The following TPCN2 variants were observed in gnomAD, a reference collection of about 807,000 sequenced individuals.
TPCN2 encodes the protein two pore channel protein 2.
Under a neutral mutation model 111.4 loss-of-function variants are expected in TPCN2, and 92 were observed. The ratio of observed to expected loss-of-function variants is 0.83; its 90% CI spans 0.70 to 0.98. TPCN2 has a LOEUF of 0.98. TPCN2 is among the 50% of genes least tolerant of loss of function. The probability of loss-of-function intolerance (pLI) is 0.00; values close to 1 mark genes in which losing one functional copy is unlikely to be tolerated. For synonymous variants in TPCN2, 405 were observed against 414.5 expected, an observed-to-expected ratio of 0.98 and a Z score of 0.28; for missense variants, 995 against 980.1, an observed-to-expected ratio of 1.02 and a Z score of -0.20.
At chr11:69,068,099 C>G (rs937103294) in intron 8 of TPCN2, among the ~76,000 whole-genome samples, 1 of 152,242 alleles carries the variant, frequency 6.6e-6, no homozygotes, top group Non-Finnish European at 1.5e-5. Context: ...GACGCTCACC[C>G]TGTGTGATGC....
chr11:69,086,257 T>C (rs1350460939), intron 22 of TPCN2, among the ~76,000 whole-genome samples: 1 of 152,128 alleles, frequency 6.6e-6, no homozygotes, highest in Non-Finnish European at 1.5e-5. Flanking sequence ...GCTCTGAGCT[T>C]GAAGAGCTCA....
In TPCN2 at chr11:69,088,143, C is replaced by T; in HGVS notation, c.*190C>T. The T allele has an allele frequency of 1.8e-6, 1 of 570,614 alleles. No individual in the cohort carries two copies. Among genetic ancestry groups the T allele is most frequent in the Non-Finnish European group, 3.1e-6 (1 of 321,920 alleles). 35.3% of individuals were successfully genotyped at this position (570,614 alleles called of 1,614,324 possible). A position where few individuals can be genotyped will look rare whatever the true frequency, so the allele number is the denominator to read the frequency against. On this transcript the variant is annotated 3_prime_UTR_variant, in exon 25 of 25. Coordinates refer to ENST00000294309, the MANE Select transcript of TPCN2 (RefSeq NM_139075.4). Reference sequence around the variant, plus strand: ...CCAACAACCATCTACAGAACAGCTGCTGGTGCTTCAGGGAGGCGCCGTGCC... The same window carrying T: ...CCAACAACCATCTACAGAACAGCTGTTGGTGCTTCAGGGAGGCGCCGTGCC...
chr11:69,076,136 GA>G (rs1432455788), intron 13 of TPCN2, among the ~76,000 whole-genome samples: 1 of 152,218 alleles, frequency 6.6e-6, no homozygotes, highest in Non-Finnish European at 1.5e-5. Flanking sequence ...AGTGCATGAG[GA>G]AGGATGGACC....
rs1194827893 is a variant in TPCN2, at chr11:69,079,878, A to T, written c.1584A>T (p.Pro528=). 4.3e-6 allele frequency: 7 copies of T among 1,613,642 alleles called. No homozygotes were observed. The highest frequency in any genetic ancestry group is 5.9e-6 in the Non-Finnish European group (7 of 1,179,938). ...STLAVYRLPH[P]GWRPEMVGLL... is the part of the protein sequence containing the mutation. ...TGGCTGTGTACCGATTGCCACACCC[A>T]GGCTGGTATGTGACTGGGCAGAACC... The change falls in exon 17 of 25, where the codon CCA becomes CCT. Residue 528 remains proline, a synonymous_variant. Coordinates refer to ENST00000294309, the MANE Select transcript of TPCN2 (RefSeq NM_139075.4).
rs1856319229 is a variant in TPCN2 at position 69,087,096 on chromosome 11, T to C, written c.2086-16T>C. On this transcript the variant is annotated splice_polypyrimidine_tract_variant and intron_variant, in intron 23 of 24. Transcript: ENST00000294309. ...TTCGGGGCCCACACTCACTGGCCAC[T>C]CCTCCTGCTTGCCAGAACTTCCTTC... 6.2e-7 allele frequency: 1 copy of C among 1,611,342 alleles called. No individual in the cohort carries two copies. The highest frequency in any genetic ancestry group is 1.3e-5 in the African/African-American group (1 of 74,946).
rs750778502 is a variant in TPCN2 at position 69,078,793 on chromosome 11, G to A, written c.1410G>A (p.Gly470=). 1.2e-6 allele frequency: 2 copies of A among 1,614,086 alleles called. No individual in the cohort carries two copies. Among genetic ancestry groups the A allele is most frequent in the South Asian group, 1.1e-5 (1 of 91,082 alleles). ...CTGAGCGTGATGACTTCATCCTGGG[G>A]GTAAGTTCTGAGCTGTCCACCTGTC... is the stretch of plus-strand genomic sequence containing the variant. ...LPAERDDFIL[G]ILNCVFIVYY... is the part of the protein sequence containing the mutation. Residue 470 remains glycine (G), a splice_region_variant and synonymous_variant, in exon 15 of 25, where the codon GGG becomes GGA. Coordinates refer to ENST00000294309, the MANE Select transcript of TPCN2 (RefSeq NM_139075.4).
At chr11:69,059,891 G>A (rs1305925283) in intron 5 of TPCN2, among the ~76,000 whole-genome samples, 1 of 152,226 alleles carries the variant, frequency 6.6e-6, no homozygotes, top group Non-Finnish European at 1.5e-5. Context: ...TGTGCTATTG[G>A]CACCAGGCAT....
chr11:69,072,088 G>A lies in TPCN2; in HGVS notation c.1061+65G>A, dbSNP rs967655224. The A allele has an allele frequency of 1.1e-5, 16 of 1,403,690 alleles. No homozygotes were observed. In the African/African-American group the frequency reaches 1.9e-4, roughly 16 times the overall value. 87.0% of individuals were successfully genotyped at this position (1,403,690 alleles called of 1,614,324 possible). On this transcript the variant is annotated intron_variant, in intron 11 of 24. Transcript: ENST00000294309. ...GTGCTGTGGCTGCTGGGCAGGGGCCGGGTGTTCATTAGGGGCTTCTTGTGC... is the reference window on the plus strand; with the variant it reads ...GTGCTGTGGCTGCTGGGCAGGGGCCAGGTGTTCATTAGGGGCTTCTTGTGC...
chr11:69,056,407 A>G (rs1292466224), intron 4 of TPCN2, among the ~76,000 whole-genome samples: 3 of 152,288 alleles, frequency 2.0e-5, no homozygotes, highest in Admixed American at 6.5e-5. Context: ...GGGTTTTTCA[A>G]CTGGAACTGA....
At chr11:69,063,771 C>A in intron 6 of TPCN2, 124 bp from the exon 7 acceptor site, 1 of 852,416 alleles carries the variant, frequency 1.2e-6, no homozygotes, top group Non-Finnish European at 1.9e-6. Context: ...GACCCAGCTG[C>A]TGCCTGGATC....
rs564871039 is a variant in TPCN2, at chr11:69,053,887, T to G, written c.110-146T>G. The G allele has an allele frequency of 1.0e-5, 7 of 689,286 alleles. No individual in the cohort carries two copies. In the East Asian group the frequency reaches 1.9e-4, roughly 19 times the overall value. 42.7% of individuals were successfully genotyped at this position (689,286 alleles called of 1,614,324 possible). A position where few individuals can be genotyped will look rare whatever the true frequency, so the allele number is the denominator to read the frequency against. ...TTGGTCCCTGCCCTGGGCAGGTACA[T>G]GCAGCCCCACTGCCGGGTGGAGTCA... On this transcript the variant is annotated intron_variant, in intron 1 of 24. Transcript: ENST00000294309.
chr11:69,086,710 G>A, intron 23 of TPCN2, 106 bp downstream of exon 23: 2 of 1,098,572 alleles, frequency 1.8e-6, no homozygotes, highest in African/African-American at 1.5e-5. Flanking sequence ...TTTGATGGGA[G>A]AGTCGTGCTG....
intron 1 of TPCN2, among the ~76,000 whole-genome samples, chr11:69,052,712 G>A (rs1055024292): frequency 1.8e-4 from 27 of 152,310 alleles, no homozygotes; most frequent in African/African-American, 6.5e-4. Context: ...GAGGACAGGG[G>A]CAGCTGCCTC....
At chr11:69,076,554 TGTCCCTCC>T (rs1855759262) in intron 13 of TPCN2, among the ~76,000 whole-genome samples, 1 of 46,520 alleles carries the variant, frequency 2.1e-5, no homozygotes, top group African/African-American at 5.1e-5. Flanking sequence ...CCTCCTGCTC[TGTCCCTCC>T]ACCTGCCCTC....
At chr11:69,085,989 C>T in intron 22 of TPCN2, 59 bp downstream of exon 22, 2 of 1,525,088 alleles carry the variant, frequency 1.3e-6, no homozygotes, top group South Asian at 1.2e-5. Context: ...GTTCCCTCAC[C>T]TCCGGGCACG....
chr11:69,084,045 G>A lies in TPCN2; in HGVS notation c.1761+29G>A, dbSNP rs568037371. ...AGTCCCAGGCTGCTGCTGGTGGCGG[G>A]TTATGCACTGGAGTGGGAGGCTGGG... On this transcript the variant is annotated intron_variant, in intron 19 of 24. Coordinates refer to ENST00000294309, the MANE Select transcript of TPCN2 (RefSeq NM_139075.4). 9.9e-6 allele frequency: 16 copies of A among 1,610,622 alleles called. No homozygotes were observed. The African/African-American group carries it at 2.0e-4, about 20-fold the overall frequency.
intron 1 of TPCN2, among the ~76,000 whole-genome samples, chr11:69,049,734 C>A (rs1228378023): frequency 6.6e-6 from 1 of 152,172 alleles, no homozygotes; most frequent in Admixed American, 6.5e-5. Context: ...ACCCCAGAGT[C>A]CCCTCTGCAC....
In TPCN2 at chr11:69,088,254, G is replaced by A; in HGVS notation, c.*301G>A. On this transcript the variant is annotated 3_prime_UTR_variant, in exon 25 of 25. Transcript: ENST00000294309. Reference sequence around the variant, plus strand: ...TCAGACAAAAATGCAAGAAGCAGCGGCCTCCCCTGTCCCCTGCAGCTTCCG... The same window carrying A: ...TCAGACAAAAATGCAAGAAGCAGCGACCTCCCCTGTCCCCTGCAGCTTCCG... 2.6e-6 allele frequency: 1 copy of A among 387,258 alleles called. No individual in the cohort carries two copies. The highest frequency in any genetic ancestry group is 4.8e-6 in the Non-Finnish European group (1 of 209,762). The allele number at this position is 387,258 out of a possible 1,614,324, so 24.0% of individuals were successfully genotyped here.
In TPCN2 at chr11:69,079,878, A is replaced by G; in HGVS notation, c.1584A>G (p.Pro528=). The G allele has an allele frequency of 6.2e-7, 1 of 1,613,760 alleles. No individual in the cohort carries two copies. The highest frequency in any genetic ancestry group is 1.3e-5 in the African/African-American group (1 of 75,058). Residue 528 remains proline (P), a synonymous_variant, in exon 17 of 25, where the codon CCA becomes CCG. Transcript: ENST00000294309. ...TGGCTGTGTACCGATTGCCACACCC[A>G]GGCTGGTATGTGACTGGGCAGAACC... ...STLAVYRLPH[P]GWRPEMVGLL...
Sources: gnomAD v4.1 joint callset for allele counts (sites outside exome capture counted in the v4.1 genomes callset) on GRCh38, gnomAD v4.1.1 for gene constraint, MANE v1.5 for transcripts, NCBI Gene and HGNC (gene_info 2026-07-23, HGNC 2026-07-21) for gene names.